Variants in PDLIM7 observed in about 807,000 individuals in gnomAD.
PDLIM7 encodes PDZ and LIM domain 7.
PDLIM7 carries 37 observed loss-of-function variants against 53.9 expected under a neutral mutation model. The ratio of observed to expected loss-of-function variants is 0.69; its 90% confidence interval spans 0.53 to 0.90. The LOEUF (loss-of-function observed/expected upper bound fraction) is 0.90. Among genes scored for constraint, PDLIM7 ranks in the 40% least tolerant of loss-of-function variants. PDLIM7 has a pLI of 0.00. For synonymous variants in PDLIM7, 300 were observed against 261.3 expected, an observed-to-expected ratio of 1.15 and a Z score of -1.43; for missense variants, 617 against 638.5, an observed-to-expected ratio of 0.97 and a Z score of 0.36.
chr5:177,484,072 CG>C lies in PDLIM7; in HGVS notation c.1168del (p.Arg390GlufsTer94). Reference protein sequence around the residue: ...YMEEGVPYCERDYEKMFGTKC... With the variant: ...YMEEGVPYCEXDYEKMFGTKC... ...CACCCTCACTGGCCAGTGGGTACCTCGCTCGCAATAGGGCACGCCCTCCTCC... is the reference window on the plus strand; with the variant it reads ...CACCCTCACTGGCCAGTGGGTACCTCCTCGCAATAGGGCACGCCCTCCTCC... On this transcript the variant is annotated frameshift_variant, in exon 11 of 13. Coordinates refer to ENST00000355841, the MANE Select transcript of PDLIM7 (RefSeq NM_005451.5). LOFTEE classifies it high-confidence loss of function. 1 of 1,613,954 alleles carries C rather than the reference CG, an allele frequency of 6.2e-7. No homozygotes were observed. The highest frequency in any genetic ancestry group is 8.5e-7 in the Non-Finnish European group (1 of 1,179,952).
rs759894571 is a variant in PDLIM7, at chr5:177,489,489, C to G, written c.773G>C (p.Arg258Pro). 1 of 1,607,206 alleles carries G rather than the reference C, an allele frequency of 6.2e-7. No homozygotes were observed. Among genetic ancestry groups the G allele is most frequent in the Admixed American group, 1.7e-5 (1 of 59,082 alleles). ...GGCAGCTGCCTGCACAATGGAGGTG[C>G]GGCTCTGCAGCGGCGTGGGCGTGGC... ...QPATPTPLQSRTSIVQAAAGG... is the reference protein window; with the variant it reads ...QPATPTPLQSPTSIVQAAAGG... The change falls in exon 9 of 13, where the codon CGC (arginine) becomes CCC (proline). Residue 258 changes from arginine (R) to proline (P), a missense_variant. Transcript: ENST00000355841.
chr5:177,487,866 G>C (rs1279284163), intron 10 of PDLIM7: 17 of 462,774 alleles, frequency 3.7e-5, no homozygotes, highest in Non-Finnish European at 6.3e-5. Flanking sequence ...TGCAGCCTTG[G>C]GCGGTTTCTG....
Position 177,488,183 on chromosome 5 carries a change from CCA to C in PDLIM7, c.933_934del (p.Cys311TrpfsTer11). The stretch of plus-strand genomic sequence containing the variant: ...GAAGCCACCCTCTTCCAGGACCTTC[CCA>C]CACTGGCTACACACAAACTCCTCCG... On this transcript the variant is annotated frameshift_variant, in exon 10 of 13. Coordinates refer to ENST00000355841, the MANE Select transcript of PDLIM7 (RefSeq NM_005451.5). LOFTEE classifies it high-confidence loss of function. The C allele has an allele frequency of 6.2e-7, 1 of 1,613,426 alleles. No individual in the cohort carries two copies. The highest frequency in any genetic ancestry group is 8.5e-7 in the Non-Finnish European group (1 of 1,179,940).
At chr5:177,492,818 T>A (rs1758874097) in intron 2 of PDLIM7, 141 bp from the exon 3 acceptor site, 3 of 899,184 alleles carry the variant, frequency 3.3e-6, no homozygotes, top group Non-Finnish European at 5.0e-6. Context: ...TCTAGGCAGC[T>A]GCTGGACACT....
chr5:177,488,607 G>C (rs1361182041), intron 9 of PDLIM7, among the ~76,000 whole-genome samples: 1 of 152,218 alleles, frequency 6.6e-6, no homozygotes, highest in African/African-American at 2.4e-5. Flanking sequence ...GATAGAGTCG[G>C]CTGGGCACAG....
Position 177,483,705 on chromosome 5 carries a change from T to C in PDLIM7, c.1313A>G (p.Lys438Arg). 1 of 1,613,096 alleles carries C rather than the reference T, an allele frequency of 6.2e-7. No homozygotes were observed. Among genetic ancestry groups the C allele is most frequent in the Non-Finnish European group, 8.5e-7 (1 of 1,179,142 alleles). Residue 438 changes from lysine (K) to arginine (R), a missense_variant, in exon 13 of 13, where the codon AAG becomes AGG. Coordinates refer to ENST00000355841, the MANE Select transcript of PDLIM7 (RefSeq NM_005451.5). ...CAICQINLEG[K>R]TFYSKKDRPL... ...CCTGTCCTTCTTGGAGTAGAAGGTC[T>C]TTCCTTCCAGGTTGATCTGACATAT... is the stretch of plus-strand genomic sequence containing the variant.
intron 7 of PDLIM7, chr5:177,490,159 G>A: frequency 2.7e-6 from 4 of 1,467,294 alleles, no homozygotes; most frequent in Non-Finnish European, 3.6e-6. Context: ...AACGAGGACG[G>A]CAGGGCCCAA....
At chr5:177,491,248 G>A in intron 5 of PDLIM7, 102 bp from the exon 6 acceptor site, 2 of 1,454,094 alleles carry the variant, frequency 1.4e-6, no homozygotes, top group East Asian at 4.7e-5. Flanking sequence ...AGTGATGGGA[G>A]GGAGTGGGTA....
chr5:177,486,161 C>T (rs945798673), intron 10 of PDLIM7, among the ~76,000 whole-genome samples: 1 of 151,960 alleles, frequency 6.6e-6, no homozygotes, highest in Non-Finnish European at 1.5e-5. Flanking sequence ...TCAAGCAATC[C>T]TCCCACCTTG....
chr5:177,490,478 C>T (rs777975690), intron 7 of PDLIM7: 10 of 1,546,896 alleles, frequency 6.5e-6, no homozygotes, highest in Non-Finnish European at 8.7e-7. Context: ...GAGAGGGCAG[C>T]CGGCTGGAGA....
chr5:177,490,280 G>A, intron 7 of PDLIM7: 15 of 1,443,634 alleles, frequency 1.0e-5, no homozygotes, highest in Non-Finnish European at 1.4e-5. Flanking sequence ...GCCCAAGGCA[G>A]CACAGACCTG....
At chr5:177,485,440 A>C (rs939690981) in intron 10 of PDLIM7, among the ~76,000 whole-genome samples, 1 of 152,202 alleles carries the variant, frequency 6.6e-6, no homozygotes, top group African/African-American at 2.4e-5. Flanking sequence ...ATGAGGGTCC[A>C]AGATGTGTGG....
chr5:177,492,043 C>T (rs1758824098), intron 4 of PDLIM7, 118 bp from the exon 5 acceptor site: 2 of 438,798 alleles, frequency 4.6e-6, no homozygotes, highest in African/African-American at 2.0e-5. Flanking sequence ...CCCACCCCAC[C>T]CCCTACATCT....
At chr5:177,486,972 T>C (rs534054731) in intron 10 of PDLIM7, among the ~76,000 whole-genome samples, 1 of 102,516 alleles carries the variant, frequency 9.8e-6, no homozygotes, top group South Asian at 3.9e-4. Context: ...TTTTTTGCTG[T>C]CTCCCAGGCT....
Position 177,490,813 on chromosome 5 carries a change from A to T in PDLIM7, c.572+57T>A, listed in dbSNP as rs1758728713. 1.9e-6 allele frequency: 3 copies of T among 1,586,206 alleles called. No homozygotes were observed. The Admixed American group carries it at 5.0e-5, about 26-fold the overall frequency. ...GGAGCCTCAGGAGTAGACACAGGGCAGTAGCTGGAATGGAAGAGGCAGGAG... is the reference window on the plus strand; with the variant it reads ...GGAGCCTCAGGAGTAGACACAGGGCTGTAGCTGGAATGGAAGAGGCAGGAG... On this transcript the variant is annotated intron_variant, in intron 7 of 12. Transcript: ENST00000355841.
chr5:177,486,446 C>T (rs1474664346), intron 10 of PDLIM7, among the ~76,000 whole-genome samples: 1 of 152,200 alleles, frequency 6.6e-6, no homozygotes, highest in Non-Finnish European at 1.5e-5. Flanking sequence ...CCTGCTCACA[C>T]AGCCAGTAGA....
In PDLIM7 at chr5:177,491,029, G is replaced by A. The variant is rs1469204475; in HGVS notation, c.516C>T (p.His172=). 6.2e-7 allele frequency: 1 copy of A among 1,613,526 alleles called. No homozygotes were observed. The highest frequency in any genetic ancestry group is 8.5e-7 in the Non-Finnish European group (1 of 1,179,748). ...ACTTACTGAACTCGGTGCCTGTGAGGTGGGCAAGGATGCGGAAGGAACGCG... is the reference window on the plus strand; with the variant it reads ...ACTTACTGAACTCGGTGCCTGTGAGATGGGCAAGGATGCGGAAGGAACGCG... The part of the protein sequence containing the change: ...GQSRSFRILA[H]LTGTEFMQDP... The change falls in exon 6 of 13, where the codon CAC becomes CAT. Residue 172 remains histidine (H), a synonymous_variant. Transcript: ENST00000355841.
In PDLIM7 at chr5:177,484,193, G is replaced by A. The variant is rs772951421; in HGVS notation, c.1051-3C>T. On this transcript the variant is annotated splice_polypyrimidine_tract_variant and splice_region_variant and intron_variant, in intron 10 of 12. Coordinates refer to ENST00000355841, the MANE Select transcript of PDLIM7 (RefSeq NM_005451.5). Reference sequence around the variant, plus strand: ...ATCTTCAGGGCGTGCATGATCTCCTGGAAGGAGGTCCCAGTCACTCGGCAG... The same window carrying A: ...ATCTTCAGGGCGTGCATGATCTCCTAGAAGGAGGTCCCAGTCACTCGGCAG... 1.9e-6 allele frequency: 3 copies of A among 1,612,950 alleles called. No individual in the cohort carries two copies. Among genetic ancestry groups the A allele is most frequent in the South Asian group, 1.1e-5 (1 of 91,076 alleles).
chr5:177,483,740 G>C lies in PDLIM7; in HGVS notation c.1288-10C>G, dbSNP rs759643665. The C allele has an allele frequency of 6.2e-7, 1 of 1,608,558 alleles. No individual in the cohort carries two copies. Among genetic ancestry groups the C allele is most frequent in the Non-Finnish European group, 8.5e-7 (1 of 1,175,206 alleles). ...GGTTGATCTGACATATCTAAGGACAGCAAAGGCCCAGTCACATGGGGTTGG... is the reference window on the plus strand; with the variant it reads ...GGTTGATCTGACATATCTAAGGACACCAAAGGCCCAGTCACATGGGGTTGG... On this transcript the variant is annotated splice_polypyrimidine_tract_variant and intron_variant, in intron 12 of 12. Coordinates refer to ENST00000355841, the MANE Select transcript of PDLIM7 (RefSeq NM_005451.5).
Sources: allele counts gnomAD v4.1 joint callset (sites outside exome capture counted in the v4.1 genomes callset), GRCh38; gene constraint gnomAD v4.1.1; transcripts MANE v1.5; gene names NCBI Gene and HGNC (gene_info 2026-07-23, HGNC 2026-07-21).